Variants in C18orf54 observed in about 807,000 individuals in gnomAD.
C18orf54 encodes the protein lung adenoma susceptibility protein 2.
C18orf54 carries 49 observed loss-of-function variants against 49.3 expected under a neutral mutation model. The observed-to-expected ratio is 0.99, with a 90% CI of 0.79 to 1.26. The LOEUF is 1.26. Among genes scored for constraint, C18orf54 ranks in the 50% most tolerant of loss-of-function variants. C18orf54 has a pLI of 0.00. For synonymous variants in C18orf54, 211 were observed against 216.6 expected (o/e 0.97, Z 0.23); for missense variants, 687 against 620.6 (o/e 1.11, Z -1.14).
chr18:54,367,181 C>T (rs185040417), intron 6 of C18orf54, among the ~76,000 whole-genome samples: 5 of 152,162 alleles, frequency 3.3e-5, no homozygotes, highest in Admixed American at 1.3e-4. Flanking sequence ...TAAGTGAGGA[C>T]GTATTCCTGT....
At position 54,380,622 on chromosome 18, in the gene C18orf54, G is replaced by T. The variant is rs544010837; in HGVS notation, c.*2376G>T. 3.0e-4 allele frequency: 45 copies of T among 152,054 alleles called. No homozygotes were observed. The highest frequency in any genetic ancestry group is 1.1e-3 in the African/African-American group (45 of 41,510). 9.4% of individuals were successfully genotyped at this position (152,054 alleles called of 1,614,324 possible). A position where few individuals can be genotyped will look rare whatever the true frequency, so the allele number is the denominator to read the frequency against. On this transcript the variant is annotated 3_prime_UTR_variant, in exon 9 of 9. Transcript: ENST00000620105. ...GCAAATTAAGAAACACTGTTTTCCT[G>T]GGTTTGTTTTGGGTATATGTCATTA...
rs1170035816 is a variant in C18orf54, at chr18:54,361,902, CT to C, written c.546del (p.Phe182LeufsTer10). On this transcript the variant is annotated frameshift_variant, in exon 4 of 9. Transcript: ENST00000620105. LOFTEE classifies it high-confidence loss of function. The stretch of plus-strand genomic sequence containing the variant: ...CCTACACTTCCATGGGCAAGGATAA[CT>C]TTGTTACTCCTGTTATACGCTCAAA... ...GPYTSMGKDN[F>X]VTPVIRSNIN... The C allele has an allele frequency of 2.5e-6, 4 of 1,613,970 alleles. No homozygotes were observed. In the Admixed American group the frequency reaches 6.7e-5, roughly 27 times the overall value.
chr18:54,373,946 C>T (rs892310159), intron 7 of C18orf54, among the ~76,000 whole-genome samples: 5 of 151,702 alleles, frequency 3.3e-5, no homozygotes, highest in Admixed American at 6.6e-5. Flanking sequence ...AGATATAAGC[C>T]TGTTCAATAA....
At chr18:54,365,640 A>G in intron 5 of C18orf54, 79 bp from the exon 6 acceptor site, 1 of 746,344 alleles carries the variant, frequency 1.3e-6, no homozygotes. Flanking sequence ...TTTAAATGAG[A>G]ATTCTTAAAT....
chr18:54,369,531 A>G (rs541373426), intron 6 of C18orf54, among the ~76,000 whole-genome samples: 1 of 138,616 alleles, frequency 7.2e-6, no homozygotes, highest in East Asian at 2.2e-4. Context: ...GCGCAGTGGC[A>G]CAATCTCTAC....
In C18orf54 at chr18:54,374,269, C is replaced by T. The variant is rs1199753390; in HGVS notation, c.1514C>T (p.Thr505Ile). ...LQLKESMIPI[T>I]RSLQKALHHL... ...TTGAAGGAAAGTATGATTCCTATTA[C>T]TAGGTCACTTCAGAAGTAAGTATTC... is the stretch of plus-strand genomic sequence containing the variant. The change falls in exon 8 of 9, where the codon ACT (threonine) becomes ATT (isoleucine). Residue 505 changes from threonine (T) to isoleucine (I), a missense_variant. By Grantham distance (89) the Thr-to-Ile change is moderately conservative. Coordinates refer to ENST00000620105, the MANE Select transcript of C18orf54 (RefSeq NM_001288980.2). 1 of 1,583,132 alleles carries T rather than the reference C, an allele frequency of 6.3e-7. No individual in the cohort carries two copies. The highest frequency in any genetic ancestry group is 1.4e-5 in the African/African-American group (1 of 73,920).
chr18:54,368,389 G>C (rs777592774), intron 6 of C18orf54, among the ~76,000 whole-genome samples: 73 of 152,058 alleles, frequency 4.8e-4, no homozygotes, highest in Admixed American at 1.0e-3. Context: ...CAGGTCTTTA[G>C]GATCAGTCAC....
At chr18:54,365,919 A>T in intron 6 of C18orf54, 98 bp downstream of exon 6, 1 of 514,462 alleles carries the variant, frequency 1.9e-6, no homozygotes. Flanking sequence ...AGCAAAAAAG[A>T]CTCAAATCTT....
At position 54,379,485 on chromosome 18, in the gene C18orf54, G is replaced by A. The variant is rs550312312; in HGVS notation, c.*1239G>A. ...TAGAGGTGACATGTCAAACACTACA[G>A]TGAGCTCTGTGGGGTTTTTTTTTTT... On this transcript the variant is annotated 3_prime_UTR_variant, in exon 9 of 9. Transcript: ENST00000620105. 1 of 149,026 alleles carries A rather than the reference G, an allele frequency of 6.7e-6. No homozygotes were observed. The highest frequency in any genetic ancestry group is 2.1e-4 in the South Asian group (1 of 4,754). The allele number at this position is 149,026 out of a possible 1,614,324, so 9.2% of individuals were successfully genotyped here. A position where few individuals can be genotyped will look rare whatever the true frequency, so the allele number is the denominator to read the frequency against.
In C18orf54 at chr18:54,362,405, CA is replaced by C; in HGVS notation, c.1047del (p.Gly350AspfsTer17). The C allele has an allele frequency of 6.6e-7, 1 of 1,523,872 alleles. No homozygotes were observed. Among genetic ancestry groups the C allele is most frequent in the African/African-American group, 1.4e-5 (1 of 72,658 alleles). 94.4% of individuals were successfully genotyped at this position (1,523,872 alleles called of 1,614,324 possible). A position where few individuals can be genotyped will look rare whatever the true frequency, so the allele number is the denominator to read the frequency against. ...SQCQCENPLL[P>X]GQSTKPFSGD... ...TGTCAATGTGAGAATCCACTTCTCC[CA>C]GGACAATCCACAAAGCCATTCAGTG... On this transcript the variant is annotated frameshift_variant, in exon 4 of 9. Coordinates refer to ENST00000620105, the MANE Select transcript of C18orf54 (RefSeq NM_001288980.2). LOFTEE classifies it high-confidence loss of function.
At chr18:54,363,440 C>T (rs3017293) in intron 5 of C18orf54, among the ~76,000 whole-genome samples, 9,883 of 152,190 alleles carry the variant, frequency 0.065, 369 homozygotes, top group African/African-American at 0.084. Flanking sequence ...GCCTCAGCCT[C>T]CCCAGTAGGT....
chr18:54,361,146 A>C (rs1039438425), intron 3 of C18orf54, among the ~76,000 whole-genome samples: 1 of 152,226 alleles, frequency 6.6e-6, no homozygotes, highest in Admixed American at 6.5e-5. Context: ...ATGACCCTAG[A>C]ATAGAAAAAG....
chr18:54,362,185 A>G lies in C18orf54; in HGVS notation c.826A>G (p.Ser276Gly). 1.3e-6 allele frequency: 2 copies of G among 1,536,222 alleles called. No individual in the cohort carries two copies. The highest frequency in any genetic ancestry group is 8.7e-7 in the Non-Finnish European group (1 of 1,146,894). Reference protein sequence around the residue: ...HNQDLLPDANSQRVYQIFKDD... With the variant: ...HNQDLLPDANGQRVYQIFKDD... ...TCAAGACTTGCTACCTGATGCAAAT[A>G]GTCAAAGGGTTTATCAGATATTTAA... Residue 276 changes from serine (S) to glycine (G), a missense_variant, in exon 4 of 9, where the codon AGT becomes GGT. Ser to Gly is a moderately conservative substitution (Grantham distance 56). Transcript: ENST00000620105.
intron 5 of C18orf54, among the ~76,000 whole-genome samples, chr18:54,364,897 T>C (rs1376343890): frequency 6.6e-6 from 1 of 152,046 alleles, no homozygotes; most frequent in Non-Finnish European, 1.5e-5. Flanking sequence ...TTCTTAGATA[T>C]CTGAGTTCTT....
At chr18:54,364,545 G>A (rs747475127) in intron 5 of C18orf54, among the ~76,000 whole-genome samples, 1 of 151,996 alleles carries the variant, frequency 6.6e-6, no homozygotes, top group Non-Finnish European at 1.5e-5. Context: ...TTATCAACCT[G>A]TCATCAAAAA....
chr18:54,359,481 T>C (rs542960355), intron 2 of C18orf54, among the ~76,000 whole-genome samples: 23 of 152,312 alleles, frequency 1.5e-4, no homozygotes, highest in African/African-American at 4.3e-4. Context: ...AGGATGATGT[T>C]TTACTTTGTC....
Position 54,362,060 on chromosome 18 carries a change from A to G in C18orf54, c.701A>G (p.Glu234Gly). ...AAGGACAGTTCAGAACACAGTCTTGAAAAGAATTACCCAAGATGGCTCACT... is the reference window on the plus strand; with the variant it reads ...AAGGACAGTTCAGAACACAGTCTTGGAAAGAATTACCCAAGATGGCTCACT... ...SFKDSSEHSL[E>G]KNYPRWLTSQ... The change falls in exon 4 of 9, where the codon GAA (glutamate) becomes GGA (glycine). Residue 234 changes from glutamate (E) to glycine (G), a missense_variant. Transcript: ENST00000620105. 6.4e-7 allele frequency: 1 copy of G among 1,555,922 alleles called. No homozygotes were observed. The highest frequency in any genetic ancestry group is 8.7e-7 in the Non-Finnish European group (1 of 1,152,446).
Position 54,378,469 on chromosome 18 carries a change from A to T in C18orf54, c.*223A>T. ...AGAATGTGAACTGCAAGGACCCACA[A>T]TATATCCTGAAGTCTTACTTTCGCC... On this transcript the variant is annotated 3_prime_UTR_variant, in exon 9 of 9. Coordinates refer to ENST00000620105, the MANE Select transcript of C18orf54 (RefSeq NM_001288980.2). The T allele has an allele frequency of 2.5e-6, 1 of 393,656 alleles. No homozygotes were observed. The highest frequency in any genetic ancestry group is 2.1e-5 in the African/African-American group (1 of 48,738). 24.4% of individuals were successfully genotyped at this position (393,656 alleles called of 1,614,324 possible).
intron 8 of C18orf54, among the ~76,000 whole-genome samples, chr18:54,377,464 G>T (rs1214915174): frequency 2.0e-5 from 3 of 152,070 alleles, no homozygotes; most frequent in Non-Finnish European, 4.4e-5. Context: ...GGTCCTCCAG[G>T]AACTGAAATA....
Sources: allele counts gnomAD v4.1 joint callset (sites outside exome capture counted in the v4.1 genomes callset), GRCh38; gene constraint gnomAD v4.1.1; transcripts MANE v1.5; gene names NCBI Gene and HGNC (gene_info 2026-07-23, HGNC 2026-07-21).